NRP2: variants seen among roughly 807,000 people sequenced by gnomAD.
The protein encoded by NRP2 is neuropilin-2.
NRP2 carries 52 observed loss-of-function variants against 110.4 expected under a neutral mutation model. The ratio of observed to expected loss-of-function variants is 0.47; its 90% CI spans 0.38 to 0.59. The LOEUF (loss-of-function observed/expected upper bound fraction) is 0.59. NRP2 is among the 20% of genes least tolerant of loss of function. NRP2 has a pLI of 0.00. For synonymous variants in NRP2, 508 were observed against 468.9 expected (o/e 1.08, Z -1.08); for missense variants, 1,049 against 1,203.0 (o/e 0.87, Z 1.89).
chr2:205,766,657 A>T, intron 14 of NRP2, 126 bp from the exon 15 acceptor site: 1 of 830,476 alleles, frequency 1.2e-6, no homozygotes, highest in Non-Finnish European at 2.1e-6. Flanking sequence ...GGCCCTCTCC[A>T]TGGAGTGGTA....
chr2:205,768,347 T>C (rs1205635745), intron 15 of NRP2: 2 of 152,240 alleles, frequency 1.3e-5, no homozygotes, highest in Admixed American at 6.5e-5. Flanking sequence ...GTAATGCTTA[T>C]GTTGGTGAAG....
At chr2:205,723,511 G>C (rs940673060) in intron 4 of NRP2, among the ~76,000 whole-genome samples, 1 of 152,222 alleles carries the variant, frequency 6.6e-6, no homozygotes, top group African/African-American at 2.4e-5. Context: ...AACAGACATT[G>C]TAATGATACC....
At chr2:205,765,414 C>A in intron 13 of NRP2, 60 bp from the exon 14 acceptor site, 1 of 1,434,410 alleles carries the variant, frequency 7.0e-7, no homozygotes, top group Non-Finnish European at 9.8e-7. Context: ...CTTGGAAATC[C>A]TTGCACCGTT....
At chr2:205,788,419 C>T (rs916556188) in intron 15 of NRP2, among the ~76,000 whole-genome samples, 6 of 152,062 alleles carry the variant, frequency 3.9e-5, no homozygotes, top group South Asian at 2.1e-4. Flanking sequence ...TGTTGGAGAT[C>T]GGGAAGGCAG....
rs1309738821 is a variant in NRP2, at chr2:205,686,288, A to T, written c.73+2925A>T. On this transcript the variant is annotated intron_variant, in intron 1 of 16. Coordinates refer to ENST00000357785, the MANE Select transcript of NRP2 (RefSeq NM_003872.3). This position sits in a 1 kb window ranked among gnomAD's most constrained non-coding sequence, Gnocchi z 4.7. ...TGCGGCATTTCTTCAACGCTGCCCT[A>T]TGCCGGAAAGTTAGGTCTCGGCTGC... Among the ~76,000 whole-genome samples, 3 of 152,192 alleles carry T rather than the reference A, an allele frequency of 2.0e-5. No individual in the cohort carries two copies. Among genetic ancestry groups the T allele is most frequent in the Middle Eastern group, 3.4e-3 (1 of 294 alleles).
chr2:205,745,679 G>A (rs2057525014), intron 9 of NRP2, 67 bp from the exon 10 acceptor site: 8 of 1,598,730 alleles, frequency 5.0e-6, no homozygotes, highest in South Asian at 1.1e-5. Flanking sequence ...GAAGGGGAAG[G>A]AAAGGGAAGA....
chr2:205,745,929 T>A (rs962071650), intron 10 of NRP2, 39 bp downstream of exon 10: 8 of 1,612,446 alleles, frequency 5.0e-6, no homozygotes, highest in Non-Finnish European at 5.9e-6. Flanking sequence ...CTCACCCACA[T>A]GGTCCTCTGA....
At chr2:205,748,495 G>A (rs1039643152) in intron 10 of NRP2, among the ~76,000 whole-genome samples, 2 of 152,210 alleles carry the variant, frequency 1.3e-5, no homozygotes, top group East Asian at 1.9e-4. Flanking sequence ...TATTTACTGT[G>A]AGCAAAAGGC....
chr2:205,749,863 A>T (rs2057611444), intron 11 of NRP2, 22 bp downstream of exon 11: 3 of 1,577,204 alleles, frequency 1.9e-6, no homozygotes, highest in Non-Finnish European at 2.6e-6. Flanking sequence ...TTGCCTCCAG[A>T]TGGCATGGGT....
intron 15 of NRP2, chr2:205,767,573 G>T: frequency 3.4e-6 from 1 of 294,286 alleles, no homozygotes; most frequent in Admixed American, 4.6e-5. Context: ...GCCTCATCCA[G>T]GTTATAAAAA....
chr2:205,683,034 T>C lies in NRP2; in HGVS notation c.-257T>C, dbSNP rs2056049934. 3.9e-6 allele frequency: 2 copies of C among 515,944 alleles called. No homozygotes were observed. Among genetic ancestry groups the C allele is most frequent in the South Asian group, 2.2e-5 (1 of 46,234 alleles). The allele number at this position is 515,944 out of a possible 1,614,324, so 32.0% of individuals were successfully genotyped here. A position where few individuals can be genotyped will look rare whatever the true frequency, so the allele number is the denominator to read the frequency against. ...CTGGAGAGAACATATATGCGTTTTG[T>C]TTTTAAGAGGAAAACCGTGTTCTCT... On this transcript the variant is annotated 5_prime_UTR_variant, in exon 1 of 17. Transcript: ENST00000357785.
At chr2:205,734,007 C>T (rs968922450) in intron 7 of NRP2, among the ~76,000 whole-genome samples, 2 of 152,134 alleles carry the variant, frequency 1.3e-5, no homozygotes, top group African/African-American at 4.8e-5. Flanking sequence ...GCCCCTGTGC[C>T]TCTGTCTCCT....
intron 13 of NRP2, among the ~76,000 whole-genome samples, chr2:205,764,944 T>TTATGTC (rs1457798761): frequency 1.6e-4 from 25 of 152,196 alleles, no homozygotes; most frequent in African/African-American, 6.0e-4. Context: ...TAGTAGGTGC[T>TTATGTC]CAGTAAATGG....
intron 15 of NRP2, chr2:205,767,632 T>C (rs2057948569): frequency 3.6e-6 from 1 of 280,828 alleles, no homozygotes; most frequent in African/African-American, 2.3e-5. Flanking sequence ...TTTGTGCTGT[T>C]ACAATGCAGC....
intron 1 of NRP2, among the ~76,000 whole-genome samples, chr2:205,696,334 G>A (rs561630216): frequency 3.9e-5 from 6 of 152,156 alleles, no homozygotes; most frequent in East Asian, 1.9e-4. Flanking sequence ...CCTGGAGGGC[G>A]GCTGCTGAGT....
chr2:205,783,424 A>T (rs1168001708), intron 15 of NRP2, among the ~76,000 whole-genome samples: 1 of 152,232 alleles, frequency 6.6e-6, no homozygotes, highest in African/African-American at 2.4e-5. Context: ...CTACTAAAAA[A>T]TTTATGTAAA....
At chr2:205,748,759 C>T (rs913575676) in intron 10 of NRP2, among the ~76,000 whole-genome samples, 2 of 152,178 alleles carry the variant, frequency 1.3e-5, no homozygotes, top group South Asian at 2.1e-4. Context: ...GAAGACACCA[C>T]CCCAAAACAC....
At chr2:205,771,784 A>G (rs1260270586) in intron 15 of NRP2, among the ~76,000 whole-genome samples, 1 of 152,238 alleles carries the variant, frequency 6.6e-6, no homozygotes, top group Non-Finnish European at 1.5e-5. Flanking sequence ...TAAAGGCCAG[A>G]TAGTAAATAT....
chr2:205,771,069 A>G (rs1435394708), intron 15 of NRP2, among the ~76,000 whole-genome samples: 1 of 152,246 alleles, frequency 6.6e-6, no homozygotes, highest in Non-Finnish European at 1.5e-5. Flanking sequence ...GACTCAGTTT[A>G]CAGAAAGTAG....
Sources: allele counts gnomAD v4.1 joint callset (sites outside exome capture counted in the v4.1 genomes callset), GRCh38; gene constraint gnomAD v4.1.1; non-coding constraint Gnocchi (gnomAD v3.1); transcripts MANE v1.5; gene names NCBI Gene and HGNC (gene_info 2026-07-23, HGNC 2026-07-21).